The following EGF variants were observed in gnomAD, a reference collection of about 807,000 sequenced individuals.
EGF encodes epidermal growth factor, also known as pro-epidermal growth factor.
EGF carries 95 observed loss-of-function variants against 143.8 expected under a neutral mutation model. That is an observed-to-expected ratio of 0.66 (90% CI 0.56 to 0.78). The LOEUF is 0.78. EGF is among the 30% of genes least tolerant of loss of function. EGF has a pLI of 0.00. For synonymous variants in EGF, 510 were observed against 510.5 expected (o/e 1.00, Z 0.01); for missense variants, 1,320 against 1,470.9 (o/e 0.90, Z 1.68).
chr4:110,008,227 G>A lies in EGF; in HGVS notation c.3367G>A (p.Asp1123Asn). The A allele has an allele frequency of 1.2e-6, 2 of 1,614,006 alleles. No individual in the cohort carries two copies. The highest frequency in any genetic ancestry group is 1.7e-6 in the Non-Finnish European group (2 of 1,179,944). ...PVAGEDGQAA[D>N]GSMQPTSWRQ... ...GGCTGGTGAGGATGGCCAGGCAGCA[G>A]ATGGTCAGTTTTTATCCCTGGCTCC... The change falls in exon 23 of 24, where the codon GAT becomes AAT. Residue 1123 changes from aspartate to asparagine, a missense_variant. Physicochemically the swap from Asp to Asn is conservative, Grantham distance 23 (BLOSUM62 1). Coordinates refer to ENST00000265171, the MANE Select transcript of EGF (RefSeq NM_001963.6).
At chr4:109,920,731 C>G (rs1365891180) in intron 1 of EGF, among the ~76,000 whole-genome samples, 1 of 151,656 alleles carries the variant, frequency 6.6e-6, no homozygotes, top group Non-Finnish European at 1.5e-5. Flanking sequence ...GAAACAACAA[C>G]AGCAACTACA....
chr4:109,950,419 A>C (rs1271649885), intron 5 of EGF, among the ~76,000 whole-genome samples: 4 of 152,140 alleles, frequency 2.6e-5, no homozygotes, highest in Non-Finnish European at 5.9e-5. Context: ...CCCTTCCTGC[A>C]GGTTTCTCTC....
intron 1 of EGF, among the ~76,000 whole-genome samples, chr4:109,933,840 G>T (rs887184032): frequency 2.6e-5 from 4 of 152,104 alleles, no homozygotes; most frequent in African/African-American, 9.7e-5. Context: ...CATTTGGGTT[G>T]GTTCCAAGTC....
chr4:109,952,971 A>G (rs1276962727), intron 5 of EGF, among the ~76,000 whole-genome samples: 1 of 152,108 alleles, frequency 6.6e-6, no homozygotes, highest in African/African-American at 2.4e-5. Flanking sequence ...TTGTTTGTTC[A>G]GGAAACCAGA....
chr4:109,985,386 A>G (rs2126128602), intron 16 of EGF, among the ~76,000 whole-genome samples: 1 of 152,312 alleles, frequency 6.6e-6, no homozygotes, highest in South Asian at 2.1e-4. Flanking sequence ...CCACATTAGG[A>G]TTTTAGAGTA....
intron 23 of EGF, among the ~76,000 whole-genome samples, 197 bp downstream of exon 23, chr4:110,008,427 C>A (rs759952558): frequency 3.4e-4 from 51 of 152,236 alleles, no homozygotes; most frequent in Non-Finnish European, 6.9e-4. Flanking sequence ...TATGAGGTTA[C>A]CACGTTCACT....
At chr4:109,944,796 T>C (rs2126011329) in intron 4 of EGF, among the ~76,000 whole-genome samples, 1 of 152,334 alleles carries the variant, frequency 6.6e-6, no homozygotes, top group Non-Finnish European at 1.5e-5. Flanking sequence ...CCACTCTTAC[T>C]CTGTTCCTAT....
At chr4:110,001,798 T>C (rs1211234116) in intron 21 of EGF, 1 of 985,308 alleles carries the variant, frequency 1.0e-6, no homozygotes, top group Non-Finnish European at 1.2e-6. Context: ...GTGAAAGGAC[T>C]ATTCCTTCAA....
Position 109,913,025 on chromosome 4 carries a change from G to A in EGF, c.-311G>A. 1 of 349,276 alleles carries A rather than the reference G, an allele frequency of 2.9e-6. No individual in the cohort carries two copies. Among genetic ancestry groups the A allele is most frequent in the South Asian group, 2.5e-5 (1 of 39,678 alleles). The allele number at this position is 349,276 out of a possible 1,614,324, so 21.6% of individuals were successfully genotyped here. On this transcript the variant is annotated 5_prime_UTR_variant, in exon 1 of 24. Transcript: ENST00000265171. ...CTTTGCCTTGCTCTGTCACAGTGAAGTCAGCCAGAGCAGGGCTGTTAAACT... is the reference window on the plus strand; with the variant it reads ...CTTTGCCTTGCTCTGTCACAGTGAAATCAGCCAGAGCAGGGCTGTTAAACT...
chr4:109,959,374 C>T lies in EGF; in HGVS notation c.1003C>T (p.Gln335Ter), dbSNP rs776112801. ...CAGCACTGTGTGTGGGCAAGACCTC[C>T]AGTCACACTTGTGCATGTGTGCAGA... ...CSSTVCGQDL[Q>*]SHLCMCAEGY... is the part of the protein sequence containing the mutation. The change falls in exon 6 of 24, where the codon CAG becomes TAG. Residue 335 changes from glutamine (Q) to a stop codon, truncating the protein, a stop_gained. Coordinates refer to ENST00000265171, the MANE Select transcript of EGF (RefSeq NM_001963.6). LOFTEE classifies it high-confidence loss of function. 1.1e-5 allele frequency: 17 copies of T among 1,613,928 alleles called. No homozygotes were observed. In the South Asian group the frequency reaches 1.6e-4, roughly 16 times the overall value.
chr4:109,965,777 T>G (rs975676314), intron 10 of EGF, among the ~76,000 whole-genome samples: 15 of 152,128 alleles, frequency 9.9e-5, no homozygotes, highest in South Asian at 4.1e-4. Context: ...AGTATCTGCA[T>G]TTTAACAATA....
chr4:109,964,508 G>A lies in EGF; in HGVS notation c.1546G>A (p.Ala516Thr). 2 of 1,613,912 alleles carry A rather than the reference G, an allele frequency of 1.2e-6. No homozygotes were observed. The highest frequency in any genetic ancestry group is 1.7e-6 in the Non-Finnish European group (2 of 1,179,832). Residue 516 changes from alanine to threonine, a missense_variant, in exon 10 of 24, where the codon GCC (alanine) becomes ACC (threonine). Ala to Thr is a moderately conservative substitution (Grantham distance 58). Around this residue, in one of 5 missense-constraint regions of EGF, gnomAD observed 1,186 missense variants for 1,313.7 expected, o/e 0.90. Coordinates refer to ENST00000265171, the MANE Select transcript of EGF (RefSeq NM_001963.6). ...CAGCCAGCAGATGGGAATGGTTTAT[G>A]CCCTAGATCATGACCCTGTGGAAAA... ...LLSQQMGMVY[A>T]LDHDPVENKI...
chr4:110,008,557 G>T (rs1266556760), intron 23 of EGF, among the ~76,000 whole-genome samples: 1 of 152,202 alleles, frequency 6.6e-6, no homozygotes, highest in Non-Finnish European at 1.5e-5. Context: ...TATACTGGTA[G>T]CTGTAGGTAT....
chr4:109,994,483 G>A (rs1224311800), intron 19 of EGF, among the ~76,000 whole-genome samples: 1 of 152,172 alleles, frequency 6.6e-6, no homozygotes, highest in Non-Finnish European at 1.5e-5. Flanking sequence ...ACTTAGGACT[G>A]GGTGTTCTTT....
At chr4:109,959,684 A>T (rs1003234984) in intron 6 of EGF, among the ~76,000 whole-genome samples, 7 of 152,186 alleles carry the variant, frequency 4.6e-5, no homozygotes, top group African/African-American at 1.7e-4. Flanking sequence ...AAACACTGAG[A>T]GGATGCTTAG....
At chr4:109,953,775 A>G (rs1003003294) in intron 5 of EGF, among the ~76,000 whole-genome samples, 1 of 152,228 alleles carries the variant, frequency 6.6e-6, no homozygotes, top group Admixed American at 6.5e-5. Flanking sequence ...TTAAGGCTAC[A>G]TCTGGGATTA....
At position 109,964,423 on chromosome 4, in the gene EGF, T is replaced by G; in HGVS notation, c.1461T>G (p.Phe487Leu). 1 of 1,613,972 alleles carries G rather than the reference T, an allele frequency of 6.2e-7. No homozygotes were observed. The change falls in exon 10 of 24, where the codon TTT becomes TTG. Residue 487 changes from phenylalanine (F) to leucine (L), a missense_variant. This residue lies in a region of EGF where 1,186 missense variants were observed against 1,313.7 expected (regional missense o/e 0.90). Transcript: ENST00000265171. ...CAGGACCACAACCATTTTTGCTGTT[T>G]GCCAATTCTCAAGATATTCGACACA... ...AASGPQPFLL[F>L]ANSQDIRHMH...
chr4:109,967,280 C>T (rs1301387920), intron 10 of EGF, among the ~76,000 whole-genome samples: 1 of 152,148 alleles, frequency 6.6e-6, no homozygotes, highest in Non-Finnish European at 1.5e-5. Context: ...TTCCCCAGCA[C>T]AATTTATTGA....
Position 109,987,766 on chromosome 4 carries a change from G to A in EGF, c.2514G>A (p.Val838=), listed in dbSNP as rs1158077343. ...MVSDQDDCAP[V]GCSMYARCIS... ...TAGATCAAGATGACTGTGCTCCTGT[G>A]GGATGCAGCATGTATGCTCGGTGTA... Residue 838 remains valine, a synonymous_variant, in exon 17 of 24, where the codon GTG becomes GTA. Transcript: ENST00000265171. The A allele has an allele frequency of 6.2e-7, 1 of 1,613,700 alleles. No individual in the cohort carries two copies. Among genetic ancestry groups the A allele is most frequent in the East Asian group, 2.2e-5 (1 of 44,886 alleles).
Sources: gnomAD v4.1 joint callset for allele counts (sites outside exome capture counted in the v4.1 genomes callset) on GRCh38, gnomAD v4.1.1 for gene constraint, gnomAD v4.1.1 regional missense constraint, MANE v1.5 for transcripts, NCBI Gene and HGNC (gene_info 2026-07-23, HGNC 2026-07-21) for gene names.